Variants in PTBP3 observed in about 807,000 individuals in gnomAD.
PTBP3 encodes the protein polypyrimidine tract binding protein 3.
PTBP3 carries 20 observed loss-of-function variants against 58.7 expected under a neutral mutation model. The ratio of observed to expected loss-of-function variants is 0.34; its 90% CI spans 0.24 to 0.50. The LOEUF (loss-of-function observed/expected upper bound fraction) is 0.50. PTBP3 is among the 20% of genes least tolerant of loss of function. The pLI is 0.98. For synonymous variants in PTBP3, 185 were observed against 219.8 expected, an observed-to-expected ratio of 0.84 and a Z score of 1.40; for missense variants, 509 against 637.2, an observed-to-expected ratio of 0.80 and a Z score of 2.17.
At chr9:112,368,797 G>C in the PTBP3 span, among the ~76,000 whole-genome samples, 2 of 152,180 alleles carry the variant, frequency 1.3e-5, no homozygotes, top group African/African-American at 2.4e-5. Context: ...CAAGACAACG[G>C]GGGAAAATGT....
intron 1 of PTBP3, among the ~76,000 whole-genome samples, chr9:112,311,932 C>G (rs1829497080): frequency 6.6e-6 from 1 of 151,944 alleles, no homozygotes; most frequent in Non-Finnish European, 1.5e-5. Flanking sequence ...TGCACTTCAG[C>G]CTGGGCAACA....
chr9:112,282,739 T>C (rs1827927898), intron 2 of PTBP3, among the ~76,000 whole-genome samples: 1 of 152,218 alleles, frequency 6.6e-6, no homozygotes, highest in Non-Finnish European at 1.5e-5. Context: ...ATAATTTTTA[T>C]GATTTTAATC....
At chr9:112,229,640 C>G (rs1409408109) in intron 10 of PTBP3, among the ~76,000 whole-genome samples, 2 of 151,654 alleles carry the variant, frequency 1.3e-5, no homozygotes, top group East Asian at 3.9e-4. Flanking sequence ...AAAATGGAGA[C>G]AAGTATTCCG....
At chr9:112,258,946 C>A (rs1311741455) in intron 5 of PTBP3, among the ~76,000 whole-genome samples, 1 of 152,168 alleles carries the variant, frequency 6.6e-6, no homozygotes, top group African/African-American at 2.4e-5. Context: ...TAACCCTATA[C>A]AGCTTATTTT....
upstream of PTBP3, among the ~76,000 whole-genome samples, chr9:112,336,350 C>T (rs550314361): frequency 6.6e-6 from 1 of 152,162 alleles, no homozygotes; most frequent in Non-Finnish European, 1.5e-5. Flanking sequence ...AAACAAAGGA[C>T]ATAAGCCTTA....
intron 2 of PTBP3, among the ~76,000 whole-genome samples, chr9:112,284,867 C>A (rs764166457): frequency 6.6e-6 from 1 of 151,994 alleles, no homozygotes; most frequent in African/African-American, 2.4e-5. Context: ...GTTGTATCTT[C>A]GAAGTAACTA....
chr9:112,309,612 C>A (rs1474699936), intron 1 of PTBP3, among the ~76,000 whole-genome samples: 1 of 151,750 alleles, frequency 6.6e-6, no homozygotes, highest in Admixed American at 6.6e-5. Context: ...ATGATGAAAC[C>A]CCGTCTCTAT....
In PTBP3 at chr9:112,221,198, T is replaced by A; in HGVS notation, c.*2653A>T. On this transcript the variant is annotated 3_prime_UTR_variant, in exon 14 of 14. Coordinates refer to ENST00000374257, the MANE Select transcript of PTBP3 (RefSeq NM_001163788.4). ...AATTTGGTTAATTTTGTCAATAAAT[T>A]AAAATGTATGTAATGTGCATATGTA... 1 of 985,516 alleles carries A rather than the reference T, an allele frequency of 1.0e-6. No homozygotes were observed. Among genetic ancestry groups the A allele is most frequent in the African/African-American group, 1.7e-5 (1 of 57,340 alleles). The allele number at this position is 985,516 out of a possible 1,614,324, so 61.0% of individuals were successfully genotyped here.
At chr9:112,320,316 T>TATATATATATA (rs61624494) in intron 1 of PTBP3, among the ~76,000 whole-genome samples, 1 of 31,586 alleles carries the variant, frequency 3.2e-5, no homozygotes, top group African/African-American at 1.2e-4. Context: ...ATATATATAT[T>TATATATATATA]TTTTTTTAAG....
chr9:112,264,394 T>A (rs1253427223), intron 4 of PTBP3, among the ~76,000 whole-genome samples: 1 of 152,206 alleles, frequency 6.6e-6, no homozygotes. Context: ...TCTCAAATGC[T>A]GTATCTCAGA....
chr9:112,227,364 G>A (rs376581776), intron 12 of PTBP3, 47 bp downstream of exon 12: 19 of 1,565,272 alleles, frequency 1.2e-5, no homozygotes, highest in Non-Finnish European at 1.6e-5. Flanking sequence ...ATCACATATT[G>A]TAGATTATTC....
At chr9:112,354,284 A>G in the PTBP3 span, among the ~76,000 whole-genome samples, 1 of 152,230 alleles carries the variant, frequency 6.6e-6, no homozygotes, top group Admixed American at 6.5e-5. Context: ...TTACCAAACA[A>G]CTGGGTGAAG....
At chr9:112,271,492 G>T (rs765413039) in intron 3 of PTBP3, among the ~76,000 whole-genome samples, 1 of 152,170 alleles carries the variant, frequency 6.6e-6, no homozygotes, top group Non-Finnish European at 1.5e-5. Context: ...AGGCTGCAAC[G>T]GGCAGATCAC....
chr9:112,269,976 A>T (rs1827302822), intron 3 of PTBP3, among the ~76,000 whole-genome samples: 1 of 147,092 alleles, frequency 6.8e-6, no homozygotes, highest in Admixed American at 6.8e-5. Flanking sequence ...ACACAGTCTC[A>T]CTCTGTCACC....
intron 1 of PTBP3, among the ~76,000 whole-genome samples, chr9:112,313,480 G>GA (rs1432934735): frequency 1.3e-5 from 2 of 152,152 alleles, no homozygotes; most frequent in Non-Finnish European, 2.9e-5. Context: ...TTAGCAGCTG[G>GA]AAAAAACAAA....
At chr9:112,325,574 C>T (rs1057176392) in intron 1 of PTBP3, among the ~76,000 whole-genome samples, 3 of 144,062 alleles carry the variant, frequency 2.1e-5, no homozygotes, top group Non-Finnish European at 4.5e-5. Flanking sequence ...GCATTATATT[C>T]ACATAGTGGA....
At chr9:112,296,257 C>G (rs2132307115) in intron 2 of PTBP3, among the ~76,000 whole-genome samples, 1 of 152,170 alleles carries the variant, frequency 6.6e-6, no homozygotes, top group South Asian at 2.1e-4. Flanking sequence ...CAGATGTTAA[C>G]TTTTTAATAA....
At chr9:112,317,559 T>C (rs919526926) in intron 1 of PTBP3, among the ~76,000 whole-genome samples, 1 of 152,102 alleles carries the variant, frequency 6.6e-6, no homozygotes, top group Non-Finnish European at 1.5e-5. Context: ...TACTGAAAGC[T>C]AGACCAATCA....
chr9:112,231,478 T>C, intron 9 of PTBP3, 65 bp from the exon 10 acceptor site: 1 of 1,312,430 alleles, frequency 7.6e-7, no homozygotes, highest in Non-Finnish European at 1.1e-6. Flanking sequence ...TAAGTTTATT[T>C]ATACTGTAAT....
Sources: allele counts gnomAD v4.1 joint callset (sites outside exome capture counted in the v4.1 genomes callset), GRCh38; gene constraint gnomAD v4.1.1; transcripts MANE v1.5; gene names NCBI Gene and HGNC (gene_info 2026-07-23, HGNC 2026-07-21).